Variants in ZNF423 observed in about 807,000 individuals in gnomAD.
ZNF423 encodes the protein Ebf-associated zinc finger protein.
A neutral mutation model predicts 95.8 loss-of-function variants in ZNF423; 12 were observed. That is an observed-to-expected ratio of 0.13 (90% CI 0.08 to 0.20). ZNF423 has a LOEUF of 0.20. ZNF423 is among the 10% of genes least tolerant of loss of function. The pLI, the probability that ZNF423 is intolerant of heterozygous loss-of-function variation, is 1.00. For synonymous variants in ZNF423, 749 were observed against 711.9 expected (o/e 1.05, Z -0.83); for missense variants, 1,316 against 1,737.1 (o/e 0.76, Z 4.31).
chr16:49,572,731 T>G (rs1970390078), intron 5 of ZNF423, among the ~76,000 whole-genome samples: 1 of 152,122 alleles, frequency 6.6e-6, no homozygotes, highest in Admixed American at 6.5e-5. Flanking sequence ...AAGGTGTGGA[T>G]GGAGCAGGTG....
chr16:49,625,963 A>G (rs1329885183), intron 5 of ZNF423, among the ~76,000 whole-genome samples: 1 of 152,174 alleles, frequency 6.6e-6, no homozygotes, highest in Non-Finnish European at 1.5e-5. Context: ...CAAAAGTTTG[A>G]TTATAATGTG....
intron 2 of ZNF423, among the ~76,000 whole-genome samples, chr16:49,765,216 G>A (rs1420322141): frequency 6.6e-6 from 1 of 152,160 alleles, no homozygotes; most frequent in Non-Finnish European, 1.5e-5. Flanking sequence ...GAGTAGAACA[G>A]TGTTTGCCAG....
At chr16:49,615,302 A>C (rs1267824246) in intron 5 of ZNF423, among the ~76,000 whole-genome samples, 3 of 152,200 alleles carry the variant, frequency 2.0e-5, no homozygotes, top group African/African-American at 7.2e-5. Context: ...GTTTTAGTAG[A>C]GTATGTCCCA....
chr16:49,695,350 T>G (rs1293105159), intron 3 of ZNF423, among the ~76,000 whole-genome samples: 6 of 152,220 alleles, frequency 3.9e-5, no homozygotes, highest in Non-Finnish European at 8.8e-5. Context: ...TGGAGTGCAA[T>G]GGCACAATCT....
intron 7 of ZNF423, among the ~76,000 whole-genome samples, chr16:49,506,406 G>GA (rs1046021351): frequency 2.0e-5 from 3 of 152,156 alleles, no homozygotes; most frequent in African/African-American, 4.8e-5. Context: ...TGAGTGGGTG[G>GA]ATGGGTGGAT....
At chr16:49,588,733 A>G (rs1970918085) in intron 5 of ZNF423, among the ~76,000 whole-genome samples, 1 of 152,222 alleles carries the variant, frequency 6.6e-6, no homozygotes, top group African/African-American at 2.4e-5. Flanking sequence ...AACAAATCCT[A>G]TATCTTTTAA....
At chr16:49,516,554 AC>A (rs1371410310) in intron 7 of ZNF423, among the ~76,000 whole-genome samples, 2 of 152,154 alleles carry the variant, frequency 1.3e-5, no homozygotes, top group Non-Finnish European at 2.9e-5. Context: ...GGTTTTAAAT[AC>A]GGAGCTGCCC....
At chr16:49,639,306 C>G (rs569752231) in intron 3 of ZNF423, among the ~76,000 whole-genome samples, 1 of 152,330 alleles carries the variant, frequency 6.6e-6, no homozygotes, top group East Asian at 1.9e-4. Context: ...CCTCAAATCC[C>G]TAATCCTGGA....
At position 49,636,282 on chromosome 16, in the gene ZNF423, T is replaced by C. The variant is rs1972698362; in HGVS notation, c.2894A>G (p.Lys965Arg). The C allele has an allele frequency of 2.5e-6, 4 of 1,612,746 alleles. No homozygotes were observed. Among genetic ancestry groups the C allele is most frequent in the Admixed American group, 3.3e-5 (2 of 60,012 alleles). ...EHLQTHRGPA[K>R]HYMCPICGER... is the part of the protein sequence containing the mutation. ...ACCACAGATGGGACACATGTAGTGC[T>C]TGGCAGGGCCCCGGTGCGTCTGCAG... Residue 965 changes from lysine (K) to arginine (R), a missense_variant, in exon 4 of 8, where the codon AAG becomes AGG. Coordinates refer to ENST00000563137, the MANE Select transcript of ZNF423 (RefSeq NM_001379286.1). The surrounding 1 kb of genome is among the most constrained non-coding windows in gnomAD (Gnocchi z 8.6).
Position 49,490,020 on chromosome 16 carries a change from G to C in ZNF423, c.*1255C>G, listed in dbSNP as rs1206465158. ...GAGAGCGAGTGCCCCCTGAAATAAT[G>C]TACCCCAGGCCCCTGCCTGCCTCAC... On this transcript the variant is annotated 3_prime_UTR_variant, in exon 8 of 8. Transcript: ENST00000563137. 6.6e-6 allele frequency: 1 copy of C among 152,250 alleles called. No homozygotes were observed. Among genetic ancestry groups the C allele is most frequent in the Non-Finnish European group, 1.5e-5 (1 of 68,116 alleles). 9.4% of individuals were successfully genotyped at this position (152,250 alleles called of 1,614,324 possible). A position where few individuals can be genotyped will look rare whatever the true frequency, so the allele number is the denominator to read the frequency against.
intron 7 of ZNF423, among the ~76,000 whole-genome samples, chr16:49,493,860 C>T (rs555920573): frequency 1.2e-3 from 182 of 152,328 alleles, no homozygotes; most frequent in Middle Eastern, 0.01. Flanking sequence ...ACAGAAGTCA[C>T]AGGAAGGCTG....
In ZNF423 at chr16:49,637,876, C is replaced by G. The variant is rs1220581728; in HGVS notation, c.1300G>C (p.Glu434Gln). The G allele has an allele frequency of 6.2e-7, 1 of 1,614,138 alleles. No homozygotes were observed. Among genetic ancestry groups the G allele is most frequent in the East Asian group, 2.2e-5 (1 of 44,870 alleles). Residue 434 changes from glutamate to glutamine, a missense_variant, in exon 4 of 8, where the codon GAG becomes CAG. Coordinates refer to ENST00000563137, the MANE Select transcript of ZNF423 (RefSeq NM_001379286.1). The surrounding 1 kb of genome is among the most constrained non-coding windows in gnomAD (Gnocchi z 5.6). ...KRDFNSLAVL[E>Q]IHLKTIHADK... ...GCGTGGATGGTCTTCAGGTGGATCT[C>G]CAGCACGGCCAGGCTGTTAAAGTCC...
intron 1 of ZNF423, among the ~76,000 whole-genome samples, chr16:49,825,510 G>A (rs934048335): frequency 3.3e-5 from 5 of 151,724 alleles, no homozygotes; most frequent in South Asian, 2.1e-4. Flanking sequence ...CAATGGCACC[G>A]GGTCTAACAG....
At chr16:49,854,874 CCCGGGGAG>C in intron 1 of ZNF423, 1 of 985,324 alleles carries the variant, frequency 1.0e-6, no homozygotes, top group South Asian at 4.7e-5. Flanking sequence ...ACGCGCGCAC[CCCGGGGAG>C]CCAGCACAGA....
intron 3 of ZNF423, among the ~76,000 whole-genome samples, chr16:49,697,839 G>C (rs191827086): frequency 6.6e-6 from 1 of 152,276 alleles, no homozygotes; most frequent in Non-Finnish European, 1.5e-5. Flanking sequence ...ATGAGCCCGC[G>C]GTGATGCGAA....
At chr16:49,494,072 G>T (rs1344731116) in intron 7 of ZNF423, among the ~76,000 whole-genome samples, 1 of 152,214 alleles carries the variant, frequency 6.6e-6, no homozygotes, top group Non-Finnish European at 1.5e-5. Context: ...AACAGGCTCA[G>T]TGTGACACAC....
At chr16:49,541,684 G>C (rs1024896484) in intron 5 of ZNF423, among the ~76,000 whole-genome samples, 5 of 152,164 alleles carry the variant, frequency 3.3e-5, no homozygotes, top group Non-Finnish European at 7.3e-5. Flanking sequence ...CACCTGTCAA[G>C]GGCGGGACCA....
At chr16:49,815,973 C>T (rs1440288683) in intron 1 of ZNF423, among the ~76,000 whole-genome samples, 1 of 125,728 alleles carries the variant, frequency 8.0e-6, no homozygotes, top group East Asian at 2.6e-4. Flanking sequence ...GGCTGGAGTG[C>T]AGTGGTACAA....
chr16:49,488,679 C>T lies in ZNF423; in HGVS notation c.*2596G>A, dbSNP rs1438016418. Reference sequence around the variant, plus strand: ...CCCAGAGACCCTCTAAGGCCCCTCACAGTTGAAAGGCAAGTGTCTCATCCC... The same window carrying T: ...CCCAGAGACCCTCTAAGGCCCCTCATAGTTGAAAGGCAAGTGTCTCATCCC... On this transcript the variant is annotated 3_prime_UTR_variant, in exon 8 of 8. Coordinates refer to ENST00000563137, the MANE Select transcript of ZNF423 (RefSeq NM_001379286.1). 6.6e-6 allele frequency: 1 copy of T among 152,276 alleles called. No individual in the cohort carries two copies. The highest frequency in any genetic ancestry group is 2.4e-5 in the African/African-American group (1 of 41,442). The allele number at this position is 152,276 out of a possible 1,614,324, so 9.4% of individuals were successfully genotyped here.
Sources: allele counts gnomAD v4.1 joint callset (sites outside exome capture counted in the v4.1 genomes callset), GRCh38; gene constraint gnomAD v4.1.1; non-coding constraint Gnocchi (gnomAD v3.1); transcripts MANE v1.5; gene names NCBI Gene and HGNC (gene_info 2026-07-23, HGNC 2026-07-21).